The following CDH13 variants were observed in gnomAD, a reference collection of about 807,000 sequenced individuals.
CDH13 encodes cadherin 13, also known as cadherin-13.
In CDH13, 24 loss-of-function variants were observed where a neutral mutation model predicts 63.8. The observed-to-expected ratio is 0.38, with a 90% CI of 0.27 to 0.53. CDH13 has a LOEUF of 0.53. Ranked by LOEUF, CDH13 falls within the 20% of genes least tolerant of loss-of-function variation. CDH13 has a pLI of 0.85. For missense variants in CDH13, 1,049 were observed against 903.1 expected (o/e 1.16, Z -2.07); for synonymous variants, 503 against 355.3 (o/e 1.42, Z -4.67).
intron 2 of CDH13, among the ~76,000 whole-genome samples, chr16:82,864,382 C>A (rs1474915755): frequency 1.3e-5 from 2 of 152,054 alleles, no homozygotes; most frequent in Non-Finnish European, 2.9e-5. Context: ...GTAATTTATA[C>A]AGAAAAGAGG....
At chr16:83,086,555 C>T (rs1030094493) in intron 3 of CDH13, among the ~76,000 whole-genome samples, 3 of 152,204 alleles carry the variant, frequency 2.0e-5, no homozygotes, top group African/African-American at 4.8e-5. Flanking sequence ...TTGGATTCCC[C>T]ATTCCTCAAG....
At chr16:82,843,631 G>T (rs182133419) in intron 1 of CDH13, among the ~76,000 whole-genome samples, 61 of 152,252 alleles carry the variant, frequency 4.0e-4, no homozygotes, top group Non-Finnish European at 3.4e-4. Context: ...TTTCTGGTGT[G>T]AAAAAGTAAA....
At chr16:82,826,443 T>C (rs528019423) in intron 1 of CDH13, 1 of 152,338 alleles carries the variant, frequency 6.6e-6, no homozygotes, top group East Asian at 1.9e-4. Context: ...ACTTGAAGCA[T>C]TGATGTAATT....
At position 83,176,075 on chromosome 16, in the gene CDH13, C is replaced by G. The variant is rs533524479; in HGVS notation, c.484-41270C>G. On this transcript the variant is annotated intron_variant, in intron 4 of 13. Transcript: ENST00000567109. ...ATGTAGGTCAGGCTGGTCTTGAAAT[C>G]TCTACCTCAGGTCATCCACTTGCCT... Among the ~76,000 whole-genome samples, 5 of 151,646 alleles carry G rather than the reference C, an allele frequency of 3.3e-5. No individual in the cohort carries two copies. The South Asian group carries it at 6.3e-4, about 19-fold the overall frequency.
intron 10 of CDH13, among the ~76,000 whole-genome samples, chr16:83,707,342 C>T (rs1907234325): frequency 6.6e-6 from 1 of 152,110 alleles, no homozygotes; most frequent in African/African-American, 2.4e-5. Flanking sequence ...CTTTCTTAGG[C>T]CATTATTACC....
Position 83,451,444 on chromosome 16 carries a change from G to T in CDH13, c.782-35033G>T, listed in dbSNP as rs367627144. 5.9e-5 allele frequency among the ~76,000 whole-genome samples: 9 copies of T among 152,326 alleles called. No homozygotes were observed. In the East Asian group the frequency reaches 1.7e-3, roughly 29 times the overall value. On this transcript the variant is annotated intron_variant, in intron 6 of 13. Coordinates refer to ENST00000567109, the MANE Select transcript of CDH13 (RefSeq NM_001257.5). ...TCCCACCAGGTCCCATCCACAACCT[G>T]TGGCAATTGTGGGAGCTACAATTCA...
chr16:83,218,092 C>T lies in CDH13; in HGVS notation c.636+595C>T, dbSNP rs557269447. Among the ~76,000 whole-genome samples the T allele has an allele frequency of 3.9e-5, 6 of 152,050 alleles. 1 individual carries two copies. The highest frequency in any genetic ancestry group is 8.8e-5 in the Non-Finnish European group (6 of 68,006). On this transcript the variant is annotated intron_variant, in intron 5 of 13. Coordinates refer to ENST00000567109, the MANE Select transcript of CDH13 (RefSeq NM_001257.5). ...CATATCATGAGGTGTATATGTTTAACAAAAATGATAAAGAAAAATCAGTGG... is the reference window on the plus strand; with the variant it reads ...CATATCATGAGGTGTATATGTTTAATAAAAATGATAAAGAAAAATCAGTGG...
chr16:82,735,141 A>G (rs1403365654), intron 1 of CDH13, among the ~76,000 whole-genome samples: 1 of 152,192 alleles, frequency 6.6e-6, no homozygotes, highest in Non-Finnish European at 1.5e-5. Flanking sequence ...GTAAAAGGAA[A>G]CAAGCCAAGG....
intron 7 of CDH13, among the ~76,000 whole-genome samples, chr16:83,575,030 G>A (rs1904977945): frequency 6.6e-6 from 1 of 152,048 alleles, no homozygotes; most frequent in Non-Finnish European, 1.5e-5. Flanking sequence ...AAACAAAATG[G>A]GCCTGTCCAT....
chr16:83,263,727 G>A (rs376354889), intron 5 of CDH13, among the ~76,000 whole-genome samples: 4 of 152,260 alleles, frequency 2.6e-5, no homozygotes, highest in East Asian at 1.9e-4. Flanking sequence ...CATGATGAAC[G>A]GTGCAGGCAG....
chr16:83,649,776 G>A (rs532245094), intron 8 of CDH13, among the ~76,000 whole-genome samples: 1 of 152,242 alleles, frequency 6.6e-6, no homozygotes, highest in African/African-American at 2.4e-5. Context: ...AAGCAGCAAG[G>A]TCTGCTGCTG....
chr16:83,137,359 G>A lies in CDH13; in HGVS notation c.483+11858G>A, dbSNP rs192031737. 4.6e-3 allele frequency among the ~76,000 whole-genome samples: 708 copies of A among 152,314 alleles called. 3 individuals carry two copies. The highest frequency in any genetic ancestry group is 0.01 in the Middle Eastern group (3 of 294). On this transcript the variant is annotated intron_variant, in intron 4 of 13. Transcript: ENST00000567109. ...GCAGCAATTGTCCCAGTTCTACCTGGAAAATGAGGAAGGGAGTGATAAAAT... is the reference window on the plus strand; with the variant it reads ...GCAGCAATTGTCCCAGTTCTACCTGAAAAATGAGGAAGGGAGTGATAAAAT...
chr16:83,333,585 C>G (rs939209838), intron 5 of CDH13, among the ~76,000 whole-genome samples: 3 of 152,180 alleles, frequency 2.0e-5, no homozygotes, highest in Non-Finnish European at 2.9e-5. Context: ...CCGCTAAGGT[C>G]TAACAAAGCT....
At chr16:83,616,515 C>A (rs969053093) in intron 8 of CDH13, among the ~76,000 whole-genome samples, 1 of 152,112 alleles carries the variant, frequency 6.6e-6, no homozygotes, top group African/African-American at 2.4e-5. Context: ...CCGAGCCACT[C>A]CATAGCACAG....
intron 4 of CDH13, among the ~76,000 whole-genome samples, chr16:83,178,764 G>T (rs186174312): frequency 2.6e-5 from 4 of 152,022 alleles, no homozygotes; most frequent in Non-Finnish European, 5.9e-5. Context: ...TACAGTCATT[G>T]AGGCTTTGTT....
At chr16:82,896,677 G>A (rs1176286120) in intron 2 of CDH13, among the ~76,000 whole-genome samples, 1 of 150,266 alleles carries the variant, frequency 6.7e-6, no homozygotes, top group African/African-American at 2.4e-5. Flanking sequence ...GAGACTGGAA[G>A]AGCTGTCAGA....
intron 1 of CDH13, among the ~76,000 whole-genome samples, chr16:82,765,413 G>GC (rs2035018385): frequency 6.6e-6 from 1 of 152,080 alleles, no homozygotes; most frequent in African/African-American, 2.4e-5. Context: ...AGTCTTAAAT[G>GC]GAAATTGATT....
rs979074793 is a variant in CDH13, at chr16:83,709,954, C to G, written c.1538+31493C>G. 9.4e-5 allele frequency among the ~76,000 whole-genome samples: 14 copies of G among 149,632 alleles called. No individual in the cohort carries two copies. The East Asian group carries it at 2.2e-3, about 23-fold the overall frequency. ...GAAACATTATTCATTCCTTCAGAGT[C>G]TTGGATTTCTCCAAATAGTCCAAAA... On this transcript the variant is annotated intron_variant, in intron 10 of 13. Coordinates refer to ENST00000567109, the MANE Select transcript of CDH13 (RefSeq NM_001257.5).
At chr16:83,010,706 A>C (rs1266477447) in intron 2 of CDH13, among the ~76,000 whole-genome samples, 5 of 152,190 alleles carry the variant, frequency 3.3e-5, no homozygotes, top group Non-Finnish European at 7.4e-5. Context: ...AGCCCTACTG[A>C]ATCAAAAGAA....
Sources: allele counts gnomAD v4.1 joint callset (sites outside exome capture counted in the v4.1 genomes callset), GRCh38; gene constraint gnomAD v4.1.1; transcripts MANE v1.5; gene names NCBI Gene and HGNC (gene_info 2026-07-23, HGNC 2026-07-21).